HIVEP3: variants seen among roughly 807,000 people sequenced by gnomAD.
HIVEP3 encodes HIVEP zinc finger 3, also known as transcription factor HIVEP3.
HIVEP3 carries 49 observed loss-of-function variants against 152.8 expected under a neutral mutation model. The observed-to-expected ratio is 0.32, with a 90% CI of 0.26 to 0.41. HIVEP3 has a LOEUF of 0.41. Among genes scored for constraint, HIVEP3 ranks in the 10% least tolerant of loss-of-function variants. The pLI, the probability that HIVEP3 is intolerant of heterozygous loss-of-function variation, is 1.00. For missense variants in HIVEP3, 2,790 were observed against 3,103.3 expected (o/e 0.90, Z 2.40); for synonymous variants, 1,269 against 1,289.0 (o/e 0.98, Z 0.33).
chr1:41,883,287 A>G (rs1371229388), intron 1 of HIVEP3, among the ~76,000 whole-genome samples: 2 of 152,128 alleles, frequency 1.3e-5, no homozygotes, highest in African/African-American at 4.8e-5. Flanking sequence ...ACTATCCAGG[A>G]AAAGTGTGCC....
Position 41,770,398 on chromosome 1 carries a change from G to A in HIVEP3, c.-800-69403C>T, listed in dbSNP as rs566936305. Among the ~76,000 whole-genome samples the A allele has an allele frequency of 5.3e-5, 8 of 152,298 alleles. No individual in the cohort carries two copies. In the South Asian group the frequency reaches 1.0e-3, roughly 20 times the overall value. ...TTTGATATTCCTCCCTGCAGCAGGT[G>A]GAGCTTCGTTCCCCTGCTTGAGCAT... On this transcript the variant is annotated intron_variant, in intron 1 of 8. Coordinates refer to ENST00000372583, the MANE Select transcript of HIVEP3 (RefSeq NM_024503.5).
intron 2 of HIVEP3, among the ~76,000 whole-genome samples, chr1:41,655,286 G>T (rs182953087): frequency 6.6e-6 from 1 of 152,052 alleles, no homozygotes; most frequent in Admixed American, 6.5e-5. Context: ...CCATCCTACA[G>T]CAAAGAGCCT....
rs141595946 is a variant in HIVEP3 at position 41,605,659 on chromosome 1, G to A, written c.-521-20341C>T. 2.6e-4 allele frequency among the ~76,000 whole-genome samples: 39 copies of A among 152,192 alleles called. No homozygotes were observed. In the East Asian group the frequency reaches 5.8e-3, roughly 23 times the overall value. On this transcript the variant is annotated intron_variant, in intron 3 of 8. Transcript: ENST00000372583. ...GGGTGGGGAGGGACGGCTCACCAGC[G>A]TAGGCTTTAGAGATACACACACTGG...
At chr1:41,979,908 A>G (rs1236036256) in intron 1 of HIVEP3, among the ~76,000 whole-genome samples, 1 of 152,262 alleles carries the variant, frequency 6.6e-6, no homozygotes, top group Non-Finnish European at 1.5e-5. Flanking sequence ...TGAATACTAT[A>G]AAATCATATT....
chr1:41,975,444 A>G (rs1354955896), intron 1 of HIVEP3, among the ~76,000 whole-genome samples: 1 of 152,210 alleles, frequency 6.6e-6, no homozygotes, highest in Non-Finnish European at 1.5e-5. Flanking sequence ...CTCCTATGGT[A>G]GCAGATAGTG....
intron 1 of HIVEP3, among the ~76,000 whole-genome samples, chr1:41,764,625 G>A (rs950369663): frequency 2.6e-5 from 4 of 152,234 alleles, no homozygotes; most frequent in Non-Finnish European, 4.4e-5. Context: ...GGCTAAACCT[G>A]TCTGCACTTT....
chr1:41,895,120 G>C (rs970826916), intron 1 of HIVEP3, among the ~76,000 whole-genome samples: 3 of 152,120 alleles, frequency 2.0e-5, no homozygotes, highest in African/African-American at 7.2e-5. Flanking sequence ...GGATGGACAG[G>C]CTCACTGATT....
At chr1:41,892,966 T>C (rs924386917) in intron 1 of HIVEP3, among the ~76,000 whole-genome samples, 3 of 146,516 alleles carry the variant, frequency 2.0e-5, no homozygotes, top group African/African-American at 5.3e-5. Context: ...AAAAAAAAAA[T>C]GCAAAAATTA....
At chr1:41,702,580 G>A (rs762522154) in intron 1 of HIVEP3, among the ~76,000 whole-genome samples, 2 of 152,174 alleles carry the variant, frequency 1.3e-5, no homozygotes, top group Non-Finnish European at 2.9e-5. Flanking sequence ...TATCTGTCAT[G>A]TGGTAAATGC....
chr1:41,536,441 A>C (rs1643402908), intron 5 of HIVEP3, among the ~76,000 whole-genome samples: 1 of 152,206 alleles, frequency 6.6e-6, no homozygotes, highest in African/African-American at 2.4e-5. Context: ...TATTTAGTTT[A>C]GCATATTTGT....
chr1:41,684,453 G>C (rs1032154527), intron 2 of HIVEP3, among the ~76,000 whole-genome samples: 3 of 152,208 alleles, frequency 2.0e-5, no homozygotes, highest in Middle Eastern at 3.2e-3. Flanking sequence ...CAGTCCCATG[G>C]TGCTGCCCTC....
intron 1 of HIVEP3, among the ~76,000 whole-genome samples, chr1:41,790,508 A>T (rs1224757132): frequency 6.6e-6 from 1 of 152,182 alleles, no homozygotes; most frequent in Non-Finnish European, 1.5e-5. Context: ...TAACCTTGGA[A>T]ATGTTGCTTA....
At chr1:41,999,542 A>ACACATGGGT (rs1645415082) in intron 1 of HIVEP3, among the ~76,000 whole-genome samples, 1 of 152,234 alleles carries the variant, frequency 6.6e-6, no homozygotes, top group South Asian at 2.1e-4. Flanking sequence ...ATTCCAGAGG[A>ACACATGGGT]CACATGGGTC....
At chr1:42,013,266 C>T (rs1645503638) in intron 1 of HIVEP3, among the ~76,000 whole-genome samples, 1 of 152,172 alleles carries the variant, frequency 6.6e-6, no homozygotes, top group Non-Finnish European at 1.5e-5. Flanking sequence ...CTAATGACCT[C>T]ATTTTAGTTT....
chr1:41,807,269 C>A (rs910791768), intron 1 of HIVEP3, among the ~76,000 whole-genome samples: 3 of 152,108 alleles, frequency 2.0e-5, no homozygotes, highest in African/African-American at 7.2e-5. Flanking sequence ...AAGAATGAAG[C>A]TAGGACAGGA....
intron 1 of HIVEP3, among the ~76,000 whole-genome samples, chr1:41,730,224 C>T (rs1646817311): frequency 6.6e-6 from 1 of 152,218 alleles, no homozygotes; most frequent in South Asian, 2.1e-4. Context: ...CATGATTCAG[C>T]TCAAGGAAGA....
chr1:41,984,406 G>GA (rs1645310535), intron 1 of HIVEP3, among the ~76,000 whole-genome samples: 1 of 152,102 alleles, frequency 6.6e-6, no homozygotes, highest in Non-Finnish European at 1.5e-5. Flanking sequence ...CTGAATGGGG[G>GA]AAAAAAGAGA....
rs926879076 is a variant in HIVEP3 at position 42,012,612 on chromosome 1, C to T, written n.119+23195G>A. Among the ~76,000 whole-genome samples the T allele has an allele frequency of 4.6e-5, 7 of 152,282 alleles. No individual in the cohort carries two copies. In the East Asian group the frequency reaches 1.3e-3, roughly 29 times the overall value. ...GGCTGAGACAAGAGAATTGCTTGAA[C>T]CCAGGAGGTGGAGGTTGCAGTGAGC... On this transcript the variant is annotated intron_variant and non_coding_transcript_variant, in intron 1 of 3. Transcript: ENST00000489103.
At chr1:41,715,884 G>A (rs759574794) in intron 1 of HIVEP3, among the ~76,000 whole-genome samples, 6 of 152,206 alleles carry the variant, frequency 3.9e-5, no homozygotes, top group East Asian at 3.9e-4. Context: ...GGCCCAAACC[G>A]AAAGCCACAG....
Sources: allele counts gnomAD v4.1 joint callset (sites outside exome capture counted in the v4.1 genomes callset), GRCh38; gene constraint gnomAD v4.1.1; transcripts MANE v1.5; gene names NCBI Gene and HGNC (gene_info 2026-07-23, HGNC 2026-07-21).